Variants in CDK14 observed in about 807,000 individuals in gnomAD.
CDK14 encodes cyclin dependent kinase 14, also known as cyclin-dependent kinase 14.
Under a neutral mutation model 60.7 loss-of-function variants are expected in CDK14, and 34 were observed. That is an observed-to-expected ratio of 0.56 (90% confidence interval 0.43 to 0.75). The LOEUF is 0.75. Ranked by LOEUF, CDK14 falls within the 30% of genes least tolerant of loss-of-function variation. The pLI is 0.00. For missense variants in CDK14, 482 were observed against 564.1 expected (o/e 0.85, Z 1.47); for synonymous variants, 197 against 203.7 (o/e 0.97, Z 0.28).
chr7:90,812,262 A>G (rs1789154049), intron 5 of CDK14, among the ~76,000 whole-genome samples: 1 of 152,250 alleles, frequency 6.6e-6, no homozygotes, highest in Non-Finnish European at 1.5e-5. Flanking sequence ...TGTGGCACAT[A>G]TACACCATGG....
chr7:90,655,079 ATAGTCTG>A (rs143961182), intron 2 of CDK14, among the ~76,000 whole-genome samples: 7,209 of 152,268 alleles, frequency 0.047, 198 homozygotes, highest in Non-Finnish European at 0.055. Context: ...TTGAAGTCAA[ATAGTCTG>A]TAGCCTTTTC....
At chr7:91,111,418 A>C (rs1799465366) in intron 12 of CDK14, among the ~76,000 whole-genome samples, 1 of 152,190 alleles carries the variant, frequency 6.6e-6, no homozygotes, top group African/African-American at 2.4e-5. Context: ...TCCCTCACCC[A>C]CTTCTGGCTG....
chr7:90,741,574 A>G (rs186617833), intron 3 of CDK14, among the ~76,000 whole-genome samples: 2 of 152,220 alleles, frequency 1.3e-5, no homozygotes, highest in Admixed American at 1.3e-4. Context: ...TGTTTTCTAC[A>G]ATCTCTGTGG....
At chr7:90,813,005 T>C (rs1789198079) in intron 5 of CDK14, among the ~76,000 whole-genome samples, 1 of 152,184 alleles carries the variant, frequency 6.6e-6, no homozygotes, top group Admixed American at 6.5e-5. Flanking sequence ...AGCCAAAATC[T>C]GGAAACAAGT....
rs183763601 is a variant in CDK14 at position 90,741,398 on chromosome 7, A to G, written c.370-6283A>G. On this transcript the variant is annotated intron_variant, in intron 3 of 14. Transcript: ENST00000380050. ...TACACCTGGAAAGATCTGACTTTAG[A>G]TTTTGCAAAAATCTGTTTAGTTCCA... is the stretch of plus-strand genomic sequence containing the variant. 3.4e-3 allele frequency among the ~76,000 whole-genome samples: 519 copies of G among 152,262 alleles called. 5 individuals carry two copies. The highest frequency in any genetic ancestry group is 0.012 in the African/African-American group (502 of 41,544).
chr7:91,112,751 C>A, intron 13 of CDK14, 70 bp downstream of exon 13: 1 of 1,497,716 alleles, frequency 6.7e-7, no homozygotes, highest in Middle Eastern at 1.7e-4. Flanking sequence ...CTGTATGTAA[C>A]GTGTATGCAG....
chr7:90,857,333 T>G (rs1228011510), intron 5 of CDK14, among the ~76,000 whole-genome samples: 2 of 152,192 alleles, frequency 1.3e-5, no homozygotes, highest in Non-Finnish European at 2.9e-5. Context: ...TCTGCCAACC[T>G]AAGGGAAGGC....
At chr7:91,119,588 T>C (rs1282911955) in intron 14 of CDK14, among the ~76,000 whole-genome samples, 2 of 152,254 alleles carry the variant, frequency 1.3e-5, no homozygotes, top group African/African-American at 4.8e-5. Context: ...TGAAATATGT[T>C]AACAGGCTAA....
At chr7:90,765,826 CTA>C (rs1804534014) in intron 4 of CDK14, among the ~76,000 whole-genome samples, 1 of 152,004 alleles carries the variant, frequency 6.6e-6, no homozygotes, top group Non-Finnish European at 1.5e-5. Context: ...TGTATATAGA[CTA>C]TGACAAAGGA....
At chr7:90,818,463 C>T (rs1789432053) in intron 5 of CDK14, among the ~76,000 whole-genome samples, 1 of 152,186 alleles carries the variant, frequency 6.6e-6, no homozygotes, top group Non-Finnish European at 1.5e-5. Flanking sequence ...TAAATGTTTT[C>T]AGAACTGAGG....
At position 91,061,993 on chromosome 7, in the gene CDK14, C is replaced by A. The variant is rs142049038; in HGVS notation, c.1105+16033C>A. Among the ~76,000 whole-genome samples the A allele has an allele frequency of 8.1e-3, 1,232 of 152,316 alleles. 19 individuals are homozygous for A. Among genetic ancestry groups the A allele is most frequent in the African/African-American group, 0.027 (1,137 of 41,564 alleles). On this transcript the variant is annotated intron_variant, in intron 11 of 14. Coordinates refer to ENST00000380050, the MANE Select transcript of CDK14 (RefSeq NM_001287135.2). The stretch of plus-strand genomic sequence containing the variant: ...CTTTTGTTTGGCTATGCCATGCCCC[C>A]AGAGGTGGAGACTACAGAGGCAGGC...
At chr7:91,074,696 A>G (rs1798244975) in intron 11 of CDK14, among the ~76,000 whole-genome samples, 1 of 152,210 alleles carries the variant, frequency 6.6e-6, no homozygotes, top group East Asian at 1.9e-4. Flanking sequence ...CCTTCAAAAG[A>G]TGAATGTATC....
At chr7:91,165,131 G>A (rs770368618) in intron 14 of CDK14, among the ~76,000 whole-genome samples, 1 of 152,174 alleles carries the variant, frequency 6.6e-6, no homozygotes, top group Non-Finnish European at 1.5e-5. Flanking sequence ...CGCTCTAATA[G>A]TACATTGCAA....
chr7:90,711,882 A>ACGTTTTTTTTTTT, intron 2 of CDK14, among the ~76,000 whole-genome samples: 1 of 110,820 alleles, frequency 9.0e-6, no homozygotes, highest in Non-Finnish European at 1.8e-5. Context: ...ATAGTCTACT[A>ACGTTTTTTTTTTT]TGTTTTTTTT....
intron 10 of CDK14, among the ~76,000 whole-genome samples, chr7:91,037,343 T>G (rs1404307860): frequency 2.0e-5 from 3 of 152,222 alleles, no homozygotes; most frequent in African/African-American, 4.8e-5. Flanking sequence ...GGATGATACC[T>G]AACATTATAC....
intron 6 of CDK14, among the ~76,000 whole-genome samples, chr7:90,892,063 T>C (rs77754858): frequency 0.026 from 3,897 of 152,342 alleles, 168 homozygotes; most frequent in African/African-American, 0.088. Context: ...TACTTGTTTC[T>C]GCCCTGGAAA....
chr7:90,832,105 C>T (rs1381073327), intron 5 of CDK14, among the ~76,000 whole-genome samples: 1 of 152,166 alleles, frequency 6.6e-6, no homozygotes, highest in African/African-American at 2.4e-5. Flanking sequence ...CCCCTCCATA[C>T]ATCCTACCCT....
intron 7 of CDK14, among the ~76,000 whole-genome samples, chr7:90,912,674 C>G (rs973964053): frequency 1.3e-5 from 2 of 152,144 alleles, no homozygotes; most frequent in Admixed American, 6.5e-5. Flanking sequence ...GTGGTGTGAT[C>G]TCAGTTCACT....
intron 5 of CDK14, among the ~76,000 whole-genome samples, chr7:90,833,352 T>C (rs10264270): frequency 0.73 from 111,520 of 152,094 alleles, 41,180 homozygotes; most frequent in East Asian, 0.89. Flanking sequence ...TATAAATGCA[T>C]ACCCCAGATA....
Sources: allele counts gnomAD v4.1 joint callset (sites outside exome capture counted in the v4.1 genomes callset), GRCh38; gene constraint gnomAD v4.1.1; transcripts MANE v1.5; gene names NCBI Gene and HGNC (gene_info 2026-07-23, HGNC 2026-07-21).